GAS2: variants seen among roughly 807,000 people sequenced by gnomAD.
GAS2 encodes growth arrest-specific protein 2.
In GAS2, 20 loss-of-function variants were observed where a neutral mutation model predicts 37.5. The ratio of observed to expected loss-of-function variants is 0.53; its 90% confidence interval spans 0.37 to 0.77. The LOEUF (loss-of-function observed/expected upper bound fraction) is 0.77, where lower values mean the gene tolerates loss of function less well. GAS2 is among the 30% of genes least tolerant of loss of function. The probability of loss-of-function intolerance (pLI) is 0.00; values close to 1 mark genes in which losing one functional copy is unlikely to be tolerated. For synonymous variants in GAS2, 144 were observed against 132.2 expected, an observed-to-expected ratio of 1.09 and a Z score of -0.61; for missense variants, 336 against 373.4, an observed-to-expected ratio of 0.90 and a Z score of 0.82.
upstream of GAS2, among the ~76,000 whole-genome samples, chr11:22,664,615 G>C (rs1848954042): frequency 6.6e-6 from 1 of 152,108 alleles, no homozygotes; most frequent in Admixed American, 6.5e-5. Flanking sequence ...CATTAGAGAA[G>C]CTATAGTTGC....
At chr11:22,798,603 A>G (rs1856532699) in intron 7 of GAS2, among the ~76,000 whole-genome samples, 1 of 152,130 alleles carries the variant, frequency 6.6e-6, no homozygotes, top group Non-Finnish European at 1.5e-5. Context: ...AATGCTTGTA[A>G]AGAGTAAAAC....
chr11:22,773,306 C>A (rs1590114467), intron 7 of GAS2, among the ~76,000 whole-genome samples: 2 of 151,960 alleles, frequency 1.3e-5, no homozygotes, highest in South Asian at 2.1e-4. Context: ...GTTTTCCCTG[C>A]CTAATTTCAA....
At chr11:22,682,514 T>C (rs1024027440) in intron 2 of GAS2, among the ~76,000 whole-genome samples, 2 of 152,174 alleles carry the variant, frequency 1.3e-5, no homozygotes, top group African/African-American at 4.8e-5. Flanking sequence ...TTTAAACTTA[T>C]TTGAATAACA....
At chr11:22,769,178 C>T (rs1252108234) in intron 7 of GAS2, among the ~76,000 whole-genome samples, 1 of 152,144 alleles carries the variant, frequency 6.6e-6, no homozygotes, top group Non-Finnish European at 1.5e-5. Flanking sequence ...GCACTTTGAA[C>T]CACAGGATAT....
At chr11:22,750,629 CT>C (rs2134298143) in intron 6 of GAS2, among the ~76,000 whole-genome samples, 1 of 152,050 alleles carries the variant, frequency 6.6e-6, no homozygotes, top group African/African-American at 2.4e-5. Context: ...TAGGATTTCA[CT>C]TTTTATTTTG....
chr11:22,747,443 G>A (rs562993378), intron 5 of GAS2, among the ~76,000 whole-genome samples: 3 of 152,130 alleles, frequency 2.0e-5, no homozygotes, highest in Non-Finnish European at 4.4e-5. Context: ...ACATTAATCT[G>A]TGAACTAGAG....
Position 22,811,878 on chromosome 11 carries a change from C to A in GAS2, c.804C>A (p.Pro268=). 1 of 1,614,136 alleles carries A rather than the reference C, an allele frequency of 6.2e-7. No individual in the cohort carries two copies. The highest frequency in any genetic ancestry group is 1.1e-5 in the South Asian group (1 of 91,086). ...TFAGYLLKHD[P]CRMLQISRVD... ...CAGGGTATTTGTTGAAACACGACCC[C>A]TGCCGAATGCTGCAGATCTCCCGTG... The change falls in exon 8 of 8, where the codon CCC becomes CCA. Residue 268 remains proline, a synonymous_variant. Transcript: ENST00000454584.
intron 6 of GAS2, among the ~76,000 whole-genome samples, chr11:22,751,830 G>A (rs1467440081): frequency 6.6e-6 from 1 of 151,934 alleles, no homozygotes; most frequent in African/African-American, 2.4e-5. Context: ...GAAAAAGAGA[G>A]TGAAATAAAG....
intron 3 of GAS2, among the ~76,000 whole-genome samples, chr11:22,707,817 C>T (rs544801563): frequency 6.6e-6 from 1 of 152,220 alleles, no homozygotes; most frequent in South Asian, 2.1e-4. Flanking sequence ...CTCATAACCA[C>T]AAGACTTAAG....
At chr11:22,795,611 G>C (rs1015626533) in intron 7 of GAS2, among the ~76,000 whole-genome samples, 4 of 152,144 alleles carry the variant, frequency 2.6e-5, no homozygotes, top group African/African-American at 9.7e-5. Flanking sequence ...CACCAGTGTG[G>C]CTGTCACAGA....
intron 3 of GAS2, among the ~76,000 whole-genome samples, chr11:22,716,818 G>A (rs929149738): frequency 6.6e-6 from 1 of 151,940 alleles, no homozygotes; most frequent in Non-Finnish European, 1.5e-5. Context: ...CAAAATCAAG[G>A]TACACAAATC....
chr11:22,805,264 T>G (rs960589639), intron 7 of GAS2, among the ~76,000 whole-genome samples: 1 of 152,152 alleles, frequency 6.6e-6, no homozygotes, highest in African/African-American at 2.4e-5. Flanking sequence ...ATTATATGTA[T>G]TCATCATGTA....
At chr11:22,805,370 G>T (rs1037762727) in intron 7 of GAS2, among the ~76,000 whole-genome samples, 9 of 152,106 alleles carry the variant, frequency 5.9e-5, no homozygotes, top group Non-Finnish European at 1.2e-4. Flanking sequence ...TTTGTGGCAA[G>T]AACTCTTAAC....
chr11:22,646,413 A>G (rs1474925607), intron 1 of GAS2, among the ~76,000 whole-genome samples: 1 of 152,178 alleles, frequency 6.6e-6, no homozygotes, highest in Admixed American at 6.5e-5. Context: ...TTTATGCTCT[A>G]CAATTTAGAG....
At chr11:22,722,103 T>C (rs1202292754) in intron 3 of GAS2, among the ~76,000 whole-genome samples, 2 of 151,920 alleles carry the variant, frequency 1.3e-5, no homozygotes, top group East Asian at 1.9e-4. Context: ...ACTCAAGTAA[T>C]TGGACTCCAG....
rs550181446 is a variant in GAS2 at position 22,701,159 on chromosome 11, G to A, written c.267+15370G>A. 9.1e-4 allele frequency among the ~76,000 whole-genome samples: 138 copies of A among 152,192 alleles called. No individual in the cohort carries two copies. The South Asian group carries it at 0.011, about 13-fold the overall frequency. On this transcript the variant is annotated intron_variant, in intron 3 of 7. Transcript: ENST00000454584. ...AAACTGCACAGTAAATACTGCTATC[G>A]ACTTTCTGAAAATGTGTTATTAAAC...
rs181181897 is a variant in GAS2, at chr11:22,761,878, C to A, written c.723+5925C>A. Among the ~76,000 whole-genome samples the A allele has an allele frequency of 1.1e-4, 16 of 152,220 alleles. 1 individual carries two copies. The East Asian group carries it at 3.1e-3, about 29-fold the overall frequency. On this transcript the variant is annotated intron_variant, in intron 7 of 7. Coordinates refer to ENST00000454584, the MANE Select transcript of GAS2 (RefSeq NM_001143830.3). ...TTAACTCCTAAATTTACACTTTTTA[C>A]CACTAAGCAGTATTGATCACTTTAC...
At chr11:22,652,764 C>G (rs927614478) in intron 1 of GAS2, among the ~76,000 whole-genome samples, 8 of 152,218 alleles carry the variant, frequency 5.3e-5, no homozygotes, top group Non-Finnish European at 1.0e-4. Context: ...GAGGCAATGC[C>G]TCGCCCTGCT....
intron 1 of GAS2, chr11:22,626,760 G>T (rs1246629788): frequency 6.6e-6 from 1 of 152,152 alleles, no homozygotes; most frequent in East Asian, 1.9e-4. Flanking sequence ...GTGGGGGAAG[G>T]TGTTTTGTTT....
Sources: gnomAD v4.1 joint callset for allele counts (sites outside exome capture counted in the v4.1 genomes callset) on GRCh38, gnomAD v4.1.1 for gene constraint, MANE v1.5 for transcripts, NCBI Gene and HGNC (gene_info 2026-07-23, HGNC 2026-07-21) for gene names.